TRANK1: variants seen among roughly 807,000 people sequenced by gnomAD.
The protein encoded by TRANK1 is TPR and ankyrin repeat-containing protein 1.
A neutral mutation model predicts 266.0 loss-of-function variants in TRANK1; 198 were observed. The ratio of observed to expected loss-of-function variants is 0.74; its 90% CI spans 0.66 to 0.84. The LOEUF is 0.84. TRANK1 is among the 40% of genes least tolerant of loss of function. The pLI is 0.00. For missense variants in TRANK1, 3,326 were observed against 3,634.6 expected, an observed-to-expected ratio of 0.92 and a Z score of 2.18; for synonymous variants, 1,396 against 1,384.1, an observed-to-expected ratio of 1.01 and a Z score of -0.19.
At chr3:36,887,574 A>G (rs930190462) in intron 8 of TRANK1, among the ~76,000 whole-genome samples, 2 of 152,188 alleles carry the variant, frequency 1.3e-5, no homozygotes. Context: ...ACAAATTCGT[A>G]AATTTTCTTA....
chr3:36,865,020 T>G (rs1208465405), intron 9 of TRANK1, among the ~76,000 whole-genome samples: 1 of 137,744 alleles, frequency 7.3e-6, no homozygotes, highest in Non-Finnish European at 1.6e-5. Context: ...TTTTTGTTTT[T>G]TTGGTTTTTT....
chr3:36,937,633 T>A (rs896117446), intron 1 of TRANK1, among the ~76,000 whole-genome samples: 1 of 152,234 alleles, frequency 6.6e-6, no homozygotes, highest in African/African-American at 2.4e-5. Flanking sequence ...ACCAATAAGT[T>A]AGCATTCCAC....
intron 20 of TRANK1, among the ~76,000 whole-genome samples, chr3:36,835,862 T>A (rs183254597): frequency 1.3e-5 from 2 of 152,210 alleles, no homozygotes; most frequent in African/African-American, 2.4e-5. Flanking sequence ...ACATGGCTAA[T>A]GGCTACTGTA....
chr3:36,940,148 C>T (rs1342061451), intron 1 of TRANK1, among the ~76,000 whole-genome samples: 2 of 151,636 alleles, frequency 1.3e-5, no homozygotes, highest in East Asian at 4.0e-4. Context: ...GCCTCCCAAA[C>T]TGCTGGGATT....
intron 10 of TRANK1, among the ~76,000 whole-genome samples, chr3:36,862,553 G>A (rs2079156629): frequency 6.6e-6 from 1 of 152,152 alleles, no homozygotes; most frequent in Non-Finnish European, 1.5e-5. Flanking sequence ...GGCACTCTCT[G>A]TTGACATATG....
At chr3:36,890,007 G>T (rs2079665460) in intron 7 of TRANK1, 47 bp from the exon 8 acceptor site, 5 of 1,526,952 alleles carry the variant, frequency 3.3e-6, no homozygotes, top group Non-Finnish European at 4.4e-6. Context: ...CATACAGAAA[G>T]TCAGCAAAGT....
At chr3:36,848,278 TC>T (rs1206887692) in intron 15 of TRANK1, among the ~76,000 whole-genome samples, 10 of 152,178 alleles carry the variant, frequency 6.6e-5, no homozygotes, top group African/African-American at 2.4e-4. Flanking sequence ...GGGTTTTTTT[TC>T]TGGCCATTTA....
chr3:36,841,851 T>C (rs1376182824), intron 18 of TRANK1, among the ~76,000 whole-genome samples: 1 of 152,094 alleles, frequency 6.6e-6, no homozygotes, highest in Non-Finnish European at 1.5e-5. Context: ...GTTGACTTTG[T>C]TGAACTGCAG....
intron 20 of TRANK1, among the ~76,000 whole-genome samples, chr3:36,835,189 G>T (rs1343412279): frequency 6.6e-6 from 1 of 150,494 alleles, no homozygotes; most frequent in East Asian, 1.9e-4. Flanking sequence ...CGTAGTGGCG[G>T]GCGCCTGTAG....
At chr3:36,858,554 T>C (rs1219698763) in intron 12 of TRANK1, among the ~76,000 whole-genome samples, 164 bp downstream of exon 12, 2 of 152,178 alleles carry the variant, frequency 1.3e-5, no homozygotes, top group Admixed American at 6.5e-5. Context: ...TTCTTCCCAT[T>C]ATGCTACAAG....
At chr3:36,924,246 A>G (rs186971096) in intron 1 of TRANK1, among the ~76,000 whole-genome samples, 3 of 152,316 alleles carry the variant, frequency 2.0e-5, no homozygotes, top group Non-Finnish European at 4.4e-5. Flanking sequence ...TAAGGCCCCT[A>G]GCAGCCAAGT....
chr3:36,899,347 A>G (rs2079841951), intron 3 of TRANK1, 88 bp from the exon 4 acceptor site: 1 of 1,407,204 alleles, frequency 7.1e-7, no homozygotes, highest in Non-Finnish European at 9.5e-7. Flanking sequence ...CAACATGGGA[A>G]ATCCAACTCT....
rs780797725 is a variant in TRANK1, at chr3:36,828,318, G to A, written c.8867C>T (p.Pro2956Leu). The stretch of plus-strand genomic sequence containing the variant: ...TCCACATTTCCGAGAACGCCTTCTA[G>A]GCCGAAGCTCACCAAAGTCTTCAAC... ...NEVEDFGELR[P>L]RRRSRKCGKQ... Residue 2956 changes from proline (P) to leucine (L), a missense_variant, in exon 24 of 24, where the codon CCT (proline) becomes CTT (leucine). Transcript: ENST00000645898. 6 of 1,612,702 alleles carry A rather than the reference G, an allele frequency of 3.7e-6. No individual in the cohort carries two copies. Among genetic ancestry groups the A allele is most frequent in the South Asian group, 1.1e-5 (1 of 90,702 alleles).
At chr3:36,881,508 G>A (rs1456735850) in intron 8 of TRANK1, among the ~76,000 whole-genome samples, 1 of 152,068 alleles carries the variant, frequency 6.6e-6, no homozygotes, top group African/African-American at 2.4e-5. Flanking sequence ...AGCTACTTGG[G>A]ATGCTGAGGC....
intron 8 of TRANK1, among the ~76,000 whole-genome samples, chr3:36,882,494 A>G (rs908464531): frequency 6.6e-6 from 1 of 152,244 alleles, no homozygotes; most frequent in Non-Finnish European, 1.5e-5. Context: ...GATTCTTATA[A>G]TAAACTACAA....
chr3:36,869,191 G>A (rs1046549932), intron 9 of TRANK1, among the ~76,000 whole-genome samples: 1 of 152,222 alleles, frequency 6.6e-6, no homozygotes, highest in African/African-American at 2.4e-5. Context: ...CCCTGAACCT[G>A]CTGAATCAAA....
intron 10 of TRANK1, 43 bp from the exon 11 acceptor site, chr3:36,861,203 T>C (rs893661255): frequency 5.3e-6 from 8 of 1,517,724 alleles, no homozygotes; most frequent in African/African-American, 4.1e-5. Context: ...AATGTTCATA[T>C]GATTTCTCTT....
At chr3:36,892,054 G>T in intron 7 of TRANK1, 148 bp downstream of exon 7, 1 of 1,064,612 alleles carries the variant, frequency 9.4e-7, no homozygotes, top group Non-Finnish European at 1.3e-6. Flanking sequence ...TTTTCCTGCT[G>T]CTTCATTCAT....
At chr3:36,889,061 G>A (rs1268271406) in intron 8 of TRANK1, among the ~76,000 whole-genome samples, 2 of 152,094 alleles carry the variant, frequency 1.3e-5, no homozygotes, top group African/African-American at 4.8e-5. Flanking sequence ...AAATCCAGAT[G>A]TCCAACATCT....
Sources: allele counts gnomAD v4.1 joint callset (sites outside exome capture counted in the v4.1 genomes callset), GRCh38; gene constraint gnomAD v4.1.1; transcripts MANE v1.5; gene names NCBI Gene and HGNC (gene_info 2026-07-23, HGNC 2026-07-21).